GPC5: variants seen among roughly 807,000 people sequenced by gnomAD.
GPC5 encodes glypican 5, also known as glypican-5.
GPC5 carries 47 observed loss-of-function variants against 53.9 expected under a neutral mutation model. That is an observed-to-expected ratio of 0.87 (90% CI 0.69 to 1.11). GPC5 has a LOEUF of 1.11. Among genes scored for constraint, GPC5 ranks in the 50% most tolerant of loss-of-function variants. The pLI is 0.00. For missense variants in GPC5, 748 were observed against 713.1 expected, an observed-to-expected ratio of 1.05 and a Z score of -0.56; for synonymous variants, 286 against 263.3, an observed-to-expected ratio of 1.09 and a Z score of -0.84.
chr13:91,762,328 C>A (rs1465049129), intron 5 of GPC5, among the ~76,000 whole-genome samples: 1 of 150,622 alleles, frequency 6.6e-6, no homozygotes, highest in Non-Finnish European at 1.5e-5. Flanking sequence ...TTTTCTTTTA[C>A]CCATTATCTA....
chr13:92,106,670 G>T, intron 6 of GPC5, among the ~76,000 whole-genome samples: 1 of 152,058 alleles, frequency 6.6e-6, no homozygotes. Context: ...ACCATCTTCT[G>T]CAACTCTTTA....
At chr13:91,522,369 G>A (rs1885866018) in intron 2 of GPC5, among the ~76,000 whole-genome samples, 1 of 152,132 alleles carries the variant, frequency 6.6e-6, no homozygotes, top group African/African-American at 2.4e-5. Context: ...GAGTTTAAGA[G>A]TGATATGTCA....
intron 6 of GPC5, among the ~76,000 whole-genome samples, chr13:92,013,475 G>A (rs1017235494): frequency 6.6e-6 from 1 of 152,168 alleles, no homozygotes; most frequent in Non-Finnish European, 1.5e-5. Flanking sequence ...GGCACAGGAT[G>A]GGGTAGGTGG....
chr13:91,556,418 A>G (rs1476714593), intron 2 of GPC5, among the ~76,000 whole-genome samples: 1 of 151,972 alleles, frequency 6.6e-6, no homozygotes, highest in Non-Finnish European at 1.5e-5. Context: ...ATGAAAATAT[A>G]CTTGCACACC....
At chr13:92,721,513 G>A (rs910378591) in intron 7 of GPC5, 1 of 152,006 alleles carries the variant, frequency 6.6e-6, no homozygotes, top group African/African-American at 2.4e-5. Flanking sequence ...AAACACCAAT[G>A]CCAATGACCT....
At chr13:91,808,177 C>G (rs1412684171) in intron 5 of GPC5, among the ~76,000 whole-genome samples, 1 of 152,152 alleles carries the variant, frequency 6.6e-6, no homozygotes, top group Non-Finnish European at 1.5e-5. Flanking sequence ...AAAACCTTCC[C>G]TTATCCTCCT....
intron 7 of GPC5, among the ~76,000 whole-genome samples, chr13:92,685,375 A>G (rs975127578): frequency 1.4e-4 from 22 of 152,102 alleles, no homozygotes; most frequent in African/African-American, 4.8e-4. Flanking sequence ...GATTACAGGC[A>G]TGAGCCACTG....
chr13:92,347,914 T>TAC (rs1566550050), intron 7 of GPC5, among the ~76,000 whole-genome samples: 1 of 2,556 alleles, frequency 3.9e-4, no homozygotes, highest in East Asian at 5.1e-3. Flanking sequence ...ATATATATAA[T>TAC]ATATATATAT....
At chr13:91,945,128 C>T (rs2039962923) in intron 6 of GPC5, among the ~76,000 whole-genome samples, 1 of 152,146 alleles carries the variant, frequency 6.6e-6, no homozygotes, top group Non-Finnish European at 1.5e-5. Flanking sequence ...TTAATATAGG[C>T]AATAACTTTT....
intron 7 of GPC5, among the ~76,000 whole-genome samples, chr13:92,252,781 CT>C (rs2139130904): frequency 6.6e-6 from 1 of 152,256 alleles, no homozygotes; most frequent in African/African-American, 2.4e-5. Flanking sequence ...AGGAACATTG[CT>C]GTTTATAAGT....
chr13:91,943,146 C>A (rs1185556665), intron 6 of GPC5, among the ~76,000 whole-genome samples: 1 of 152,034 alleles, frequency 6.6e-6, no homozygotes, highest in Non-Finnish European at 1.5e-5. Flanking sequence ...TGATGAAAAT[C>A]AACTTATGCA....
intron 2 of GPC5, among the ~76,000 whole-genome samples, chr13:91,628,148 T>C (rs1340125019): frequency 6.6e-6 from 1 of 152,164 alleles, no homozygotes; most frequent in Non-Finnish European, 1.5e-5. Context: ...TACCTTACAG[T>C]ATCTACGACT....
At chr13:91,805,223 C>G (rs1454410848) in intron 5 of GPC5, among the ~76,000 whole-genome samples, 1 of 152,174 alleles carries the variant, frequency 6.6e-6, no homozygotes, top group Non-Finnish European at 1.5e-5. Context: ...AAGTTCCACC[C>G]TCTACCCCTC....
rs535164531 is a variant in GPC5 at position 92,302,828 on chromosome 13, A to G, written c.1561+157839A>G. On this transcript the variant is annotated intron_variant, in intron 7 of 7. Coordinates refer to ENST00000377067, the MANE Select transcript of GPC5 (RefSeq NM_004466.6). ...CATCTTCCATCTCCTTAAGTTCTCA[A>G]TCTCGTTTCTTTCAATTTTCTCTCT... Among the ~76,000 whole-genome samples the G allele has an allele frequency of 3.0e-4, 46 of 152,166 alleles. 1 individual carries two copies. The South Asian group carries it at 9.4e-3, about 31-fold the overall frequency.
chr13:91,545,576 T>C (rs1053105878), intron 2 of GPC5, among the ~76,000 whole-genome samples: 2 of 152,168 alleles, frequency 1.3e-5, no homozygotes, highest in Admixed American at 1.3e-4. Context: ...TCTACCCTTT[T>C]ATCATATTTT....
At chr13:91,839,910 G>A (rs949361168) in intron 5 of GPC5, among the ~76,000 whole-genome samples, 1 of 152,012 alleles carries the variant, frequency 6.6e-6, no homozygotes, top group Non-Finnish European at 1.5e-5. Context: ...TCATGGCAAC[G>A]AAGGCATCTA....
rs368845644 is a variant in GPC5, at chr13:91,686,893, T to C, written c.326-6294T>C. ...GACTTGAGAGTTGTAATGCACAAAATGCAAATTCGCTCTGAAAATTTCTCT... is the reference window on the plus strand; with the variant it reads ...GACTTGAGAGTTGTAATGCACAAAACGCAAATTCGCTCTGAAAATTTCTCT... On this transcript the variant is annotated intron_variant, in intron 2 of 7. Coordinates refer to ENST00000377067, the MANE Select transcript of GPC5 (RefSeq NM_004466.6). Among the ~76,000 whole-genome samples, 5 of 152,090 alleles carry C rather than the reference T, an allele frequency of 3.3e-5. No individual in the cohort carries two copies. The East Asian group carries it at 9.6e-4, about 29-fold the overall frequency.
intron 7 of GPC5, among the ~76,000 whole-genome samples, chr13:92,636,914 T>A (rs1885424598): frequency 6.6e-6 from 1 of 152,148 alleles, no homozygotes; most frequent in African/African-American, 2.4e-5. Context: ...TGTTTCCTAT[T>A]TTGATGAATA....
At chr13:91,676,229 C>A (rs1367621811) in intron 2 of GPC5, among the ~76,000 whole-genome samples, 1 of 152,146 alleles carries the variant, frequency 6.6e-6, no homozygotes, top group African/African-American at 2.4e-5. Flanking sequence ...CGCCACCACG[C>A]CTGACTAATT....
Sources: allele counts gnomAD v4.1 joint callset (sites outside exome capture counted in the v4.1 genomes callset), GRCh38; gene constraint gnomAD v4.1.1; transcripts MANE v1.5; gene names NCBI Gene and HGNC (gene_info 2026-07-23, HGNC 2026-07-21).